BBS9: variants seen among roughly 807,000 people sequenced by gnomAD.
BBS9 encodes protein PTHB1.
A neutral mutation model predicts 117.7 loss-of-function variants in BBS9; 89 were observed. The ratio of observed to expected loss-of-function variants is 0.76; its 90% CI spans 0.64 to 0.90. BBS9 has a LOEUF of 0.90. Ranked by LOEUF, BBS9 falls within the 40% of genes least tolerant of loss-of-function variation. The pLI is 0.00. For missense variants in BBS9, 982 were observed against 1,042.2 expected, an observed-to-expected ratio of 0.94 and a Z score of 0.80; for synonymous variants, 379 against 370.9, an observed-to-expected ratio of 1.02 and a Z score of -0.25.
At chr7:33,535,374 A>G (rs1361269583) in intron 21 of BBS9, among the ~76,000 whole-genome samples, 1 of 152,222 alleles carries the variant, frequency 6.6e-6, no homozygotes, top group African/African-American at 2.4e-5. Context: ...GGATATATGC[A>G]TGATTCAGCC....
Position 33,329,388 on chromosome 7 carries a change from A to G in BBS9, c.1017-7053A>G, listed in dbSNP as rs117122548. On this transcript the variant is annotated intron_variant, in intron 9 of 22. Coordinates refer to ENST00000242067, the MANE Select transcript of BBS9 (RefSeq NM_198428.3). ...ATCATTTCACTAGTTAGGGATAGTC[A>G]CATCCTATTAACATTTAGGTATTTT... is the stretch of plus-strand genomic sequence containing the variant. Among the ~76,000 whole-genome samples, 955 of 152,342 alleles carry G rather than the reference A, an allele frequency of 6.3e-3. 5 individuals are homozygous for G. Among genetic ancestry groups the G allele is most frequent in the Non-Finnish European group, 9.4e-3 (640 of 68,036 alleles).
intron 7 of BBS9, among the ~76,000 whole-genome samples, chr7:33,271,374 C>T (rs541805926): frequency 6.6e-6 from 1 of 152,138 alleles, no homozygotes; most frequent in Non-Finnish European, 1.5e-5. Flanking sequence ...CAATACTAAC[C>T]TTGAATGTAA....
intron 19 of BBS9, among the ~76,000 whole-genome samples, chr7:33,419,132 A>G (rs558919974): frequency 1.3e-5 from 2 of 152,254 alleles, no homozygotes; most frequent in East Asian, 1.9e-4. Context: ...ATTTAAGCTC[A>G]AACTGTAGTA....
rs771137562 is a variant in BBS9 at position 33,604,919 on chromosome 7, ACT to A, written c.2579_2580del (p.Ser860TyrfsTer18). 6.2e-7 allele frequency: 1 copy of A among 1,613,842 alleles called. No homozygotes were observed. The highest frequency in any genetic ancestry group is 1.1e-5 in the South Asian group (1 of 91,068). ...CTAGAAGAAAGATCAGTAGAACAAG[ACT>A]CTACAGAACTGTTTACCAACCACAG... On this transcript the variant is annotated frameshift_variant, in exon 22 of 23. Transcript: ENST00000242067. LOFTEE classifies it high-confidence loss of function.
intron 4 of BBS9, among the ~76,000 whole-genome samples, chr7:33,163,072 A>C (rs576757331): frequency 6.6e-6 from 1 of 152,222 alleles, no homozygotes; most frequent in Non-Finnish European, 1.5e-5. Flanking sequence ...CGTTTTCTGC[A>C]TCTATTGAGA....
chr7:33,419,216 A>G (rs73314915), intron 19 of BBS9, among the ~76,000 whole-genome samples: 13,443 of 152,198 alleles, frequency 0.088, 635 homozygotes, highest in South Asian at 0.18. Flanking sequence ...GATTGTGACA[A>G]TGGGTTAACT....
intron 21 of BBS9, among the ~76,000 whole-genome samples, chr7:33,575,844 A>G (rs1250926673): frequency 6.6e-6 from 1 of 151,920 alleles, no homozygotes; most frequent in African/African-American, 2.4e-5. Context: ...GGCCTTAGAC[A>G]AAATTCAACA....
At chr7:33,173,142 G>A (rs1303044692) in intron 4 of BBS9, among the ~76,000 whole-genome samples, 2 of 152,262 alleles carry the variant, frequency 1.3e-5, no homozygotes, top group East Asian at 3.9e-4. Flanking sequence ...GGGGAAGAAA[G>A]CATCCTCTAT....
At chr7:33,604,413 A>G (rs1299541508) in intron 21 of BBS9, among the ~76,000 whole-genome samples, 1 of 152,166 alleles carries the variant, frequency 6.6e-6, no homozygotes, top group East Asian at 1.9e-4. Flanking sequence ...AAATACCACC[A>G]CAACCACCGT....
At chr7:33,312,397 C>T (rs549957473) in intron 9 of BBS9, among the ~76,000 whole-genome samples, 15 of 152,172 alleles carry the variant, frequency 9.9e-5, no homozygotes, top group African/African-American at 3.6e-4. Flanking sequence ...GTTTTTAACA[C>T]AGCATCGTGT....
chr7:33,574,709 ACACACACACACACACACGCG>A lies in BBS9; in HGVS notation c.2522-30142_2522-30123del, dbSNP rs1386930904. On this transcript the variant is annotated intron_variant, in intron 21 of 22. Transcript: ENST00000242067. The stretch of plus-strand genomic sequence containing the variant: ...AACACACACACACACACACACACAC[ACACACACACACACACACGCG>A]CACACACACACACTTTCACTATTTA... 5.4e-5 allele frequency among the ~76,000 whole-genome samples: 8 copies of A among 146,950 alleles called. No individual in the cohort carries two copies. The East Asian group carries it at 1.6e-3, about 30-fold the overall frequency.
chr7:33,273,729 G>T lies in BBS9; in HGVS notation c.887-98G>T, dbSNP rs560667068. The T allele has an allele frequency of 7.3e-5, 77 of 1,058,970 alleles. 1 individual carries two copies. The Middle Eastern group carries it at 1.1e-3, about 16-fold the overall frequency. 65.6% of individuals were successfully genotyped at this position (1,058,970 alleles called of 1,614,324 possible). The stretch of plus-strand genomic sequence containing the variant: ...AAAATCTTTATGTATTAAAATCCAG[G>T]TGTTAGAATTAGTTTGTGCTATCAA... On this transcript the variant is annotated intron_variant, in intron 8 of 22. Transcript: ENST00000242067.
intron 19 of BBS9, among the ~76,000 whole-genome samples, chr7:33,431,610 T>C (rs1477997201): frequency 6.6e-6 from 1 of 152,202 alleles, no homozygotes; most frequent in Non-Finnish European, 1.5e-5. Flanking sequence ...AGGTGCCATC[T>C]ATGGACTAGA....
chr7:33,191,861 T>G (rs1784171177), intron 5 of BBS9, among the ~76,000 whole-genome samples: 1 of 152,150 alleles, frequency 6.6e-6, no homozygotes, highest in Non-Finnish European at 1.5e-5. Flanking sequence ...TTTTCCTCAC[T>G]TTCAGTATTC....
chr7:33,193,336 GT>G (rs1263506826), intron 5 of BBS9, among the ~76,000 whole-genome samples: 1 of 149,368 alleles, frequency 6.7e-6, no homozygotes, highest in Non-Finnish European at 1.5e-5. Context: ...AGTGTGAAAT[GT>G]TTTTAGAGAC....
intron 13 of BBS9, among the ~76,000 whole-genome samples, chr7:33,350,426 A>T (rs1818423358): frequency 1.3e-5 from 2 of 152,148 alleles, no homozygotes; most frequent in African/African-American, 4.8e-5. Flanking sequence ...ATTCTAAATA[A>T]TTTATTTTTT....
downstream of BBS9, among the ~76,000 whole-genome samples, chr7:33,607,545 T>C (rs538372877): frequency 1.1e-4 from 17 of 152,238 alleles, no homozygotes; most frequent in East Asian, 1.9e-4. Flanking sequence ...ATAATCACCA[T>C]ATATATCACA....
Position 33,185,502 on chromosome 7 carries a change from A to C in BBS9, c.442+7911A>C, listed in dbSNP as rs139975678. On this transcript the variant is annotated intron_variant, in intron 5 of 22. Transcript: ENST00000242067. ...AGCTTTAGTCCTTAAATACTGTATA[A>C]ATTGCAAAAAGTTCAGAACTTAGGT... 3.7e-4 allele frequency among the ~76,000 whole-genome samples: 56 copies of C among 152,230 alleles called. 2 individuals are homozygous for C. The East Asian group carries it at 0.01, about 27-fold the overall frequency.
chr7:33,133,874 T>C (rs1223609381), intron 1 of BBS9, among the ~76,000 whole-genome samples: 1 of 152,232 alleles, frequency 6.6e-6, no homozygotes, highest in African/African-American at 2.4e-5. Context: ...TAGAGGAACT[T>C]CTAGATTCCT....
Sources: allele counts gnomAD v4.1 joint callset (sites outside exome capture counted in the v4.1 genomes callset), GRCh38; gene constraint gnomAD v4.1.1; transcripts MANE v1.5; gene names NCBI Gene and HGNC (gene_info 2026-07-23, HGNC 2026-07-21).